ZC3H12C: variants seen among roughly 807,000 people sequenced by gnomAD.
The protein encoded by ZC3H12C is zinc finger CCCH-type containing 12C.
In ZC3H12C, 20 loss-of-function variants were observed where a neutral mutation model predicts 76.3. The observed-to-expected ratio is 0.26, with a 90% confidence interval of 0.18 to 0.38. The LOEUF (loss-of-function observed/expected upper bound fraction) is 0.38. Ranked by LOEUF, ZC3H12C falls within the 10% of genes least tolerant of loss-of-function variation. The pLI is 1.00. For synonymous variants in ZC3H12C, 352 were observed against 399.6 expected, an observed-to-expected ratio of 0.88 and a Z score of 1.42; for missense variants, 874 against 1,086.5, an observed-to-expected ratio of 0.80 and a Z score of 2.75.
At chr11:110,104,893 G>A (rs979294623) in intron 1 of ZC3H12C, among the ~76,000 whole-genome samples, 31 of 152,260 alleles carry the variant, frequency 2.0e-4, no homozygotes, top group African/African-American at 7.2e-4. Context: ...TCTTAGTTGT[G>A]TTCTGAGTAA....
At chr11:110,159,169 G>C in intron 3 of ZC3H12C, 87 bp from the exon 4 acceptor site, 1 of 1,007,644 alleles carries the variant, frequency 9.9e-7, no homozygotes, top group Non-Finnish European at 1.5e-6. Flanking sequence ...TACAGCTTAT[G>C]TTTTAGAGTT....
Position 110,164,594 on chromosome 11 carries a change from A to G in ZC3H12C, c.1509A>G (p.Leu503=). ...PSIRTQVYQD[L]EEKLPTKNKL... ...TAAGGACACAAGTCTACCAAGACCT[A>G]GAAGAAAAGCTTCCCACCAAAAACA... is the stretch of plus-strand genomic sequence containing the variant. Residue 503 remains leucine, a synonymous_variant, in exon 6 of 6, where the codon CTA becomes CTG. Transcript: ENST00000278590. This position sits in a 1 kb window ranked among gnomAD's most constrained non-coding sequence, Gnocchi z 5.7. 6.2e-7 allele frequency: 1 copy of G among 1,614,050 alleles called. No homozygotes were observed. The highest frequency in any genetic ancestry group is 8.5e-7 in the Non-Finnish European group (1 of 1,179,898).
intron 3 of ZC3H12C, among the ~76,000 whole-genome samples, chr11:110,154,749 A>G (rs1006556988): frequency 7.5e-6 from 1 of 133,430 alleles, no homozygotes; most frequent in Non-Finnish European, 1.6e-5. Flanking sequence ...AACTTTCTTA[A>G]AAATGATAAT....
At chr11:110,145,236 C>T (rs570679074) in intron 2 of ZC3H12C, among the ~76,000 whole-genome samples, 1 of 152,258 alleles carries the variant, frequency 6.6e-6, no homozygotes, top group African/African-American at 2.4e-5. Context: ...TTCTTAGGCC[C>T]TTCTCTTGAG....
chr11:110,165,342 G>T lies in ZC3H12C; in HGVS notation c.2257G>T (p.Asp753Tyr). The change falls in exon 6 of 6, where the codon GAC becomes TAC. Residue 753 changes from aspartate (D) to tyrosine (Y), a missense_variant. This residue lies in a region of ZC3H12C where 395 missense variants were observed against 434.4 expected (regional missense o/e 0.91). Coordinates refer to ENST00000278590, the MANE Select transcript of ZC3H12C (RefSeq NM_033390.2). ...GGCCACGAGAATAGACAGCATCTCT[G>T]ACTCTCGACTTTATGACAGTTCTCC... The part of the protein sequence containing the change: ...LVATRIDSIS[D>Y]SRLYDSSPSR... The T allele has an allele frequency of 6.2e-7, 1 of 1,613,968 alleles. No individual in the cohort carries two copies. The highest frequency in any genetic ancestry group is 1.3e-5 in the African/African-American group (1 of 75,034).
At chr11:110,148,068 A>G (rs1862203374) in intron 2 of ZC3H12C, among the ~76,000 whole-genome samples, 1 of 152,230 alleles carries the variant, frequency 6.6e-6, no homozygotes, top group South Asian at 2.1e-4. Context: ...GCAACAGCAG[A>G]AAGAGGTCAA....
intron 2 of ZC3H12C, among the ~76,000 whole-genome samples, chr11:110,140,518 C>G (rs1406494318): frequency 1.3e-5 from 2 of 152,214 alleles, no homozygotes; most frequent in Non-Finnish European, 2.9e-5. Flanking sequence ...ATGGCTACCT[C>G]CACATCATGC....
At chr11:110,114,221 C>G (rs151008878) in intron 1 of ZC3H12C, among the ~76,000 whole-genome samples, 3,948 of 152,076 alleles carry the variant, frequency 0.026, 328 homozygotes, top group Admixed American at 0.17. Flanking sequence ...TTTTCTTTGC[C>G]TCACCTTACT....
chr11:110,137,231 G>A lies in ZC3H12C; in HGVS notation c.590G>A (p.Gly197Glu). ...GTDALINDIL[G>E]ELVKLGNKSE... ...GATGCTTTAATCAATGATATTTTGG[G>A]AGAACTTGTCAAACTTGGAAATAAA... Residue 197 changes from glycine to glutamate, a missense_variant, in exon 2 of 6, where the codon GGA (glycine) becomes GAA (glutamate). Coordinates refer to ENST00000278590, the MANE Select transcript of ZC3H12C (RefSeq NM_033390.2). 5.6e-6 allele frequency: 9 copies of A among 1,613,786 alleles called. No individual in the cohort carries two copies. Among genetic ancestry groups the A allele is most frequent in the East Asian group, 2.2e-5 (1 of 44,890 alleles).
Position 110,169,645 on chromosome 11 carries a change from CTAACAGT to C in ZC3H12C, c.*3912_*3918del, listed in dbSNP as rs1305783067. The C allele has an allele frequency of 8.5e-5, 13 of 152,056 alleles. No individual in the cohort carries two copies. The highest frequency in any genetic ancestry group is 1.8e-4 in the Non-Finnish European group (12 of 68,002). 9.4% of individuals were successfully genotyped at this position (152,056 alleles called of 1,614,324 possible). A position where few individuals can be genotyped will look rare whatever the true frequency, so the allele number is the denominator to read the frequency against. ...AAATATATTAAAGATGTTAATTCAG[CTAACAGT>C]TAAGTTTCCAAGGTATACACCAACA... is the stretch of plus-strand genomic sequence containing the variant. On this transcript the variant is annotated 3_prime_UTR_variant, in exon 6 of 6. Coordinates refer to ENST00000278590, the MANE Select transcript of ZC3H12C (RefSeq NM_033390.2).
intron 1 of ZC3H12C, among the ~76,000 whole-genome samples, chr11:110,111,546 T>G (rs1861428394): frequency 1.0e-4 from 1 of 9,672 alleles, no homozygotes; most frequent in Non-Finnish European, 1.9e-4. Flanking sequence ...GTAGCTTTTT[T>G]TTTTTTCTGA....
intron 1 of ZC3H12C, among the ~76,000 whole-genome samples, chr11:110,093,969 C>T (rs994244452): frequency 1.3e-5 from 2 of 152,172 alleles, no homozygotes; most frequent in African/African-American, 4.8e-5. Context: ...CTCACTCCCC[C>T]CTCGTCCCTC....
At chr11:110,111,960 C>T (rs566882129) in intron 1 of ZC3H12C, among the ~76,000 whole-genome samples, 12 of 75,896 alleles carry the variant, frequency 1.6e-4, no homozygotes, top group Non-Finnish European at 3.4e-4. Flanking sequence ...TGTGCATGGT[C>T]ATGCACACGT....
intron 1 of ZC3H12C, among the ~76,000 whole-genome samples, chr11:110,103,167 T>C (rs1221111161): frequency 6.6e-6 from 1 of 152,184 alleles, no homozygotes; most frequent in Non-Finnish European, 1.5e-5. Context: ...CAGATAGAAT[T>C]GATACCCAAA....
intron 1 of ZC3H12C, among the ~76,000 whole-genome samples, chr11:110,130,763 CAGCTTTG>C (rs1256237235): frequency 3.9e-5 from 6 of 152,230 alleles, no homozygotes; most frequent in Non-Finnish European, 5.9e-5. Context: ...GCCTACTAGT[CAGCTTTG>C]TATGGCCTAT....
At chr11:110,095,203 G>T (rs972114605) in intron 1 of ZC3H12C, among the ~76,000 whole-genome samples, 1 of 152,206 alleles carries the variant, frequency 6.6e-6, no homozygotes, top group Middle Eastern at 3.4e-3. Context: ...TATATTATGG[G>T]CTTCTCTGGA....
intron 1 of ZC3H12C, among the ~76,000 whole-genome samples, chr11:110,129,831 T>G (rs1861827314): frequency 6.6e-6 from 1 of 150,540 alleles, no homozygotes; most frequent in Non-Finnish European, 1.5e-5. Context: ...TTTTTTTTTT[T>G]GTTCATAATC....
rs1251379900 is a variant in ZC3H12C, at chr11:110,164,506, C to G, written c.1421C>G (p.Thr474Ser). ...AAAAGCAACAGTGTTCCTTGTAGCACCAAGGCTGATAGCACTTCTGATGTC... is the reference window on the plus strand; with the variant it reads ...AAAAGCAACAGTGTTCCTTGTAGCAGCAAGGCTGATAGCACTTCTGATGTC... ...LVKSNSVPCS[T>S]KADSTSDVKR... is the part of the protein sequence containing the mutation. Residue 474 changes from threonine to serine, a missense_variant, in exon 6 of 6, where the codon ACC becomes AGC. Physicochemically the swap from Thr to Ser is moderately conservative, Grantham distance 58 (BLOSUM62 1). Around this residue, in one of 3 missense-constraint regions of ZC3H12C, gnomAD observed 269 missense variants for 424.9 expected, o/e 0.63. Transcript: ENST00000278590. This position sits in a 1 kb window ranked among gnomAD's most constrained non-coding sequence, Gnocchi z 5.7. 8.1e-6 allele frequency: 13 copies of G among 1,613,790 alleles called. No individual in the cohort carries two copies. The highest frequency in any genetic ancestry group is 9.3e-6 in the Non-Finnish European group (11 of 1,179,888).
intron 1 of ZC3H12C, among the ~76,000 whole-genome samples, chr11:110,123,579 C>A (rs1254191996): frequency 1.3e-5 from 2 of 152,132 alleles, no homozygotes; most frequent in Admixed American, 6.6e-5. Context: ...TTTTCATAAA[C>A]CTTAAGAATT....
Sources: allele counts gnomAD v4.1 joint callset (sites outside exome capture counted in the v4.1 genomes callset), GRCh38; gene constraint gnomAD v4.1.1; regional missense constraint gnomAD v4.1.1; non-coding constraint Gnocchi (gnomAD v3.1); transcripts MANE v1.5; gene names NCBI Gene and HGNC (gene_info 2026-07-23, HGNC 2026-07-21).